Variants in VNN2 observed in about 807,000 individuals in gnomAD.
VNN2 encodes vanin 2.
A neutral mutation model predicts 43.0 loss-of-function variants in VNN2; 43 were observed. The observed-to-expected ratio is 1.00, with a 90% CI of 0.78 to 1.29. The LOEUF is 1.29. VNN2 is among the 50% of genes most tolerant of loss of function. The pLI, the probability that VNN2 is intolerant of heterozygous loss-of-function variation, is 0.00. For missense variants in VNN2, 652 were observed against 619.7 expected (o/e 1.05, Z -0.55); for synonymous variants, 230 against 224.3 (o/e 1.03, Z -0.23).
chr6:132,745,339 C>G (rs755281963), intron 6 of VNN2, among the ~76,000 whole-genome samples: 1 of 152,190 alleles, frequency 6.6e-6, no homozygotes, highest in Non-Finnish European at 1.5e-5. Flanking sequence ...CCTCAAGCTC[C>G]CCAGTAGCTG....
intron 3 of VNN2, 114 bp downstream of exon 3, chr6:132,755,729 C>CA (rs996240388): frequency 4.1e-5 from 48 of 1,171,430 alleles, no homozygotes; most frequent in African/African-American, 4.1e-4. Context: ...CAAAACAAAA[C>CA]AAAAAAACCC....
At chr6:132,762,906 G>C (rs1192896313) in intron 1 of VNN2, among the ~76,000 whole-genome samples, 3 of 152,136 alleles carry the variant, frequency 2.0e-5, no homozygotes, top group African/African-American at 7.2e-5. Context: ...AAGTCCCTTT[G>C]AGTTAGTAGC....
chr6:132,745,932 A>T (rs1487167760), intron 6 of VNN2, among the ~76,000 whole-genome samples: 1 of 152,220 alleles, frequency 6.6e-6, no homozygotes. Context: ...GTGGAGAAGA[A>T]ATTGAAAATT....
chr6:132,758,848 C>G (rs945951382), upstream of VNN2, among the ~76,000 whole-genome samples: 1 of 152,126 alleles, frequency 6.6e-6, no homozygotes, highest in Non-Finnish European at 1.5e-5. Context: ...AACAATACCC[C>G]GAGGCACCTA....
chr6:132,751,621 T>G, intron 4 of VNN2, 103 bp from the exon 5 acceptor site: 1 of 1,383,560 alleles, frequency 7.2e-7, no homozygotes, highest in Non-Finnish European at 9.7e-7. Flanking sequence ...GCCACCATAT[T>G]AGTCACGATG....
At chr6:132,759,216 C>A (rs780583754), upstream of VNN2, among the ~76,000 whole-genome samples, 2 of 152,010 alleles carry the variant, frequency 1.3e-5, no homozygotes, top group Non-Finnish European at 2.9e-5. Context: ...GCAGGCAGAT[C>A]ACCTGAGGTC....
chr6:132,751,999 A>G (rs1054310844), intron 4 of VNN2, among the ~76,000 whole-genome samples: 8 of 152,186 alleles, frequency 5.3e-5, no homozygotes, highest in African/African-American at 1.9e-4. Flanking sequence ...GTGGGTAACT[A>G]GTCATAAATA....
At chr6:132,760,086 T>C (rs1222507589), upstream of VNN2, among the ~76,000 whole-genome samples, 1 of 152,228 alleles carries the variant, frequency 6.6e-6, no homozygotes, top group East Asian at 1.9e-4. Context: ...AGTCTTTCCT[T>C]TATACCTAAA....
In VNN2 at chr6:132,752,482, G is replaced by C; in HGVS notation, c.805C>G (p.His269Asp). ...TTACCTGTCATATTTAGGCTGACAT[G>C]ATGTGTGTTGGCCACAAGAAGATTA... ...GVNLLVANTHHVSLNMTGSGI... is the reference protein window; with the variant it reads ...GVNLLVANTHDVSLNMTGSGI... The change falls in exon 4 of 7, where the codon CAT becomes GAT. Residue 269 changes from histidine to aspartate, a missense_variant. By Grantham distance (81) the His-to-Asp change is moderately conservative (BLOSUM62 -1). Transcript: ENST00000326499. The C allele has an allele frequency of 6.2e-7, 1 of 1,613,924 alleles. No individual in the cohort carries two copies. The highest frequency in any genetic ancestry group is 1.3e-5 in the African/African-American group (1 of 75,024).
intron 6 of VNN2, among the ~76,000 whole-genome samples, chr6:132,747,771 A>C (rs1779805505): frequency 1.3e-5 from 2 of 152,238 alleles, no homozygotes; most frequent in Non-Finnish European, 2.9e-5. Flanking sequence ...TTTTTAAAAC[A>C]AAGAAAGGAA....
Position 132,744,714 on chromosome 6 carries a change from A to G in VNN2, c.1372-223T>C, listed in dbSNP as rs35892663. On this transcript the variant is annotated intron_variant, in intron 6 of 6. Transcript: ENST00000326499. ...TTAGTTTCAACAATCAAATGTAACC[A>G]TTAATGGAAAGTCAAAATCAGCAGC... Among the ~76,000 whole-genome samples, 1,364 of 152,334 alleles carry G rather than the reference A, an allele frequency of 9.0e-3. 17 individuals are homozygous for G. Among genetic ancestry groups the G allele is most frequent in the African/African-American group, 0.03 (1,242 of 41,582 alleles).
At chr6:132,760,706 G>A (rs568807698), upstream of VNN2, 31 of 152,054 alleles carry the variant, frequency 2.0e-4, no homozygotes, top group Non-Finnish European at 4.4e-4. Flanking sequence ...GTAAGCTGAT[G>A]AGGAGGAGTT....
At chr6:132,750,351 A>G (rs1474743045) in intron 5 of VNN2, among the ~76,000 whole-genome samples, 1 of 151,992 alleles carries the variant, frequency 6.6e-6, no homozygotes, top group East Asian at 1.9e-4. Context: ...ATTTGAAAGC[A>G]ATACAAGGCC....
intron 6 of VNN2, among the ~76,000 whole-genome samples, chr6:132,747,454 C>T (rs9321364): frequency 0.67 from 101,501 of 151,706 alleles, 35,669 homozygotes; most frequent in African/African-American, 0.89. Context: ...CCATCTCCAC[C>T]AAAAATACAA....
intron 2 of VNN2, 81 bp from the exon 3 acceptor site, chr6:132,756,116 C>G: frequency 7.7e-7 from 1 of 1,306,580 alleles, no homozygotes; most frequent in South Asian, 1.7e-5. Context: ...GCAACTGTAA[C>G]CACTTAAGTG....
intron 5 of VNN2, 128 bp downstream of exon 5, chr6:132,751,011 TTGTGTG>T: frequency 1.1e-6 from 1 of 935,754 alleles, no homozygotes; most frequent in Non-Finnish European, 1.6e-6. Context: ...TGTGTGTGTG[TTGTGTG>T]TGTGTGTGTT....
upstream of VNN2, chr6:132,757,924 A>T (rs1780588743): frequency 6.4e-7 from 1 of 1,567,594 alleles, no homozygotes; most frequent in South Asian, 1.1e-5. Flanking sequence ...AATAACATTC[A>T]TGTAGTATTT....
At position 132,744,418 on chromosome 6, in the gene VNN2, C is replaced by T; in HGVS notation, c.1445G>A (p.Arg482Lys). The change falls in exon 7 of 7, where the codon AGG becomes AAG. Residue 482 changes from arginine (R) to lysine (K), a missense_variant. Coordinates refer to ENST00000326499, the MANE Select transcript of VNN2 (RefSeq NM_004665.6). ...GTAAAGTGAGTCCTTTGTGTACCAC[C>T]TCCCAAAGAGTGACACTGTTAGTAT... is the stretch of plus-strand genomic sequence containing the variant. Reference protein sequence around the residue: ...GPILTVSLFGRWYTKDSLYSS... With the variant: ...GPILTVSLFGKWYTKDSLYSS... 1.9e-6 allele frequency: 3 copies of T among 1,613,504 alleles called. No homozygotes were observed. Among genetic ancestry groups the T allele is most frequent in the Non-Finnish European group, 2.5e-6 (3 of 1,179,756 alleles).
rs1779582495 is a variant in VNN2, at chr6:132,744,186, C to T, written c.*114G>A. 1.3e-6 allele frequency: 1 copy of T among 797,726 alleles called. No homozygotes were observed. The highest frequency in any genetic ancestry group is 1.9e-6 in the Non-Finnish European group (1 of 533,462). The allele number at this position is 797,726 out of a possible 1,614,324, so 49.4% of individuals were successfully genotyped here. ...TATTGATGAGAAAAAATATTTAGGA[C>T]TCACTGGTCTATACTACTGAAATAG... On this transcript the variant is annotated 3_prime_UTR_variant, in exon 7 of 7. Transcript: ENST00000326499.
Sources: allele counts gnomAD v4.1 joint callset (sites outside exome capture counted in the v4.1 genomes callset), GRCh38; gene constraint gnomAD v4.1.1; transcripts MANE v1.5; gene names NCBI Gene and HGNC (gene_info 2026-07-23, HGNC 2026-07-21).